PCDHA12: variants seen among roughly 807,000 people sequenced by gnomAD.
PCDHA12 encodes the protein protocadherin alpha 12, also known as protocadherin alpha-12.
A neutral mutation model predicts 60.0 loss-of-function variants in PCDHA12; 44 were observed. That is an observed-to-expected ratio of 0.73 (90% CI 0.58 to 0.94). The LOEUF (loss-of-function observed/expected upper bound fraction) is 0.94, where lower values mean the gene tolerates loss of function less well. Among genes scored for constraint, PCDHA12 ranks in the 40% least tolerant of loss-of-function variants. The probability of loss-of-function intolerance (pLI) is 0.00; values close to 1 mark genes in which losing one functional copy is unlikely to be tolerated. For synonymous variants in PCDHA12, 569 were observed against 553.0 expected, an observed-to-expected ratio of 1.03 and a Z score of -0.40; for missense variants, 1,276 against 1,239.7, an observed-to-expected ratio of 1.03 and a Z score of -0.44.
chr5:140,892,578 T>G (rs2063581965), intron 1 of PCDHA12, among the ~76,000 whole-genome samples: 1 of 152,178 alleles, frequency 6.6e-6, no homozygotes, highest in Non-Finnish European at 1.5e-5. Context: ...AAAGTATATC[T>G]CAGTATTCAT....
At chr5:140,934,879 T>C (rs1202301097) in intron 1 of PCDHA12, among the ~76,000 whole-genome samples, 1 of 152,206 alleles carries the variant, frequency 6.6e-6, no homozygotes, top group African/African-American at 2.4e-5. Flanking sequence ...TGTTTGTGTA[T>C]CTTGTTTTAA....
intron 3 of PCDHA12, among the ~76,000 whole-genome samples, chr5:140,985,361 G>T (rs1453706797): frequency 1.3e-5 from 2 of 152,132 alleles, no homozygotes; most frequent in Non-Finnish European, 2.9e-5. Flanking sequence ...GACCCTCTGA[G>T]GTTATCTGGG....
chr5:140,920,137 T>C (rs182001221), intron 1 of PCDHA12, among the ~76,000 whole-genome samples: 29 of 152,242 alleles, frequency 1.9e-4, no homozygotes, highest in Admixed American at 1.8e-3. Flanking sequence ...TTAATTCTCC[T>C]CTCCAAACCT....
In PCDHA12 at chr5:141,008,942, A is replaced by G. The variant is rs544111760; in HGVS notation, c.2516-685A>G. Among the ~76,000 whole-genome samples the G allele has an allele frequency of 1.5e-4, 23 of 152,326 alleles. No homozygotes were observed. In the South Asian group the frequency reaches 4.8e-3, roughly 32 times the overall value. On this transcript the variant is annotated intron_variant, in intron 3 of 3. Transcript: ENST00000398631. ...ATTCAGCTAATTTTTCTTGTTTTGG[A>G]CAAAATAGACATCCTAATACATTTA...
intron 1 of PCDHA12, among the ~76,000 whole-genome samples, chr5:140,975,953 T>A (rs1554237158): frequency 6.6e-6 from 1 of 152,084 alleles, no homozygotes; most frequent in Non-Finnish European, 1.5e-5. Context: ...CATATTAGAG[T>A]TCTTCACCAA....
intron 1 of PCDHA12, among the ~76,000 whole-genome samples, chr5:140,904,620 A>T (rs1419190047): frequency 6.6e-6 from 1 of 151,986 alleles, no homozygotes; most frequent in Non-Finnish European, 1.5e-5. Flanking sequence ...TTTTACTTTT[A>T]GTTCTTTAAG....
At chr5:140,894,405 C>T (rs1277416530) in intron 1 of PCDHA12, among the ~76,000 whole-genome samples, 4 of 151,926 alleles carry the variant, frequency 2.6e-5, no homozygotes, top group African/African-American at 9.7e-5. Flanking sequence ...CTTTGCTTTT[C>T]TTTTGTAGCT....
intron 1 of PCDHA12, chr5:140,967,271 A>T (rs1007708043): frequency 6.2e-7 from 1 of 1,613,338 alleles, no homozygotes; most frequent in African/African-American, 1.3e-5. Context: ...GCGCTTTCAC[A>T]TAGAGAGTGC....
intron 1 of PCDHA12, among the ~76,000 whole-genome samples, chr5:140,885,309 T>C (rs1456816250): frequency 6.6e-6 from 1 of 152,194 alleles, no homozygotes; most frequent in Non-Finnish European, 1.5e-5. Context: ...GTAGGCTTTT[T>C]GTTATTATTT....
intron 1 of PCDHA12, among the ~76,000 whole-genome samples, chr5:140,951,684 A>G (rs1392497741): frequency 3.3e-5 from 5 of 152,144 alleles, no homozygotes; most frequent in African/African-American, 1.2e-4. Flanking sequence ...GGGGATTACA[A>G]TGTGACATGA....
chr5:141,000,904 T>A lies in PCDHA12; in HGVS notation c.2516-8723T>A, dbSNP rs1398868730. Among the ~76,000 whole-genome samples, 6 of 151,990 alleles carry A rather than the reference T, an allele frequency of 3.9e-5. No individual in the cohort carries two copies. The East Asian group carries it at 1.2e-3, about 29-fold the overall frequency. On this transcript the variant is annotated intron_variant, in intron 3 of 3. Coordinates refer to ENST00000398631, the MANE Select transcript of PCDHA12 (RefSeq NM_018903.4). ...ACCTGGGCAACAGATATAGACGCTGTCTCTAAAAAAAAAAATCCTGTGTGA... is the reference window on the plus strand; with the variant it reads ...ACCTGGGCAACAGATATAGACGCTGACTCTAAAAAAAAAAATCCTGTGTGA...
At chr5:140,882,114 C>T (rs1464753090) in intron 1 of PCDHA12, 25 of 1,406,582 alleles carry the variant, frequency 1.8e-5, no homozygotes, top group Non-Finnish European at 2.2e-5. Flanking sequence ...AAGAAAGCCG[C>T]CGTTTCTTTC....
rs782748230 is a variant in PCDHA12, at chr5:140,877,281, T to TA, written c.1811dup (p.Asn604LysfsTer36). On this transcript the variant is annotated frameshift_variant, in exon 1 of 4. Transcript: ENST00000398631. LOFTEE classifies it high-confidence loss of function. ...GCGCGGTGGACGCTGACTCCGGCTA[T>TA]AACGCTTGGCTGTCCTACGAGTTGC... is the stretch of plus-strand genomic sequence containing the variant. The TA allele has an allele frequency of 8.7e-6, 14 of 1,613,708 alleles. No homozygotes were observed. The highest frequency in any genetic ancestry group is 1.2e-5 in the Non-Finnish European group (14 of 1,179,822).
At chr5:140,992,950 C>T (rs1435932636) in intron 3 of PCDHA12, among the ~76,000 whole-genome samples, 1 of 152,216 alleles carries the variant, frequency 6.6e-6, no homozygotes, top group East Asian at 1.9e-4. Context: ...GAGATTAAAT[C>T]ACCCCTTATA....
At chr5:140,983,168 C>G (rs2097030716) in intron 3 of PCDHA12, among the ~76,000 whole-genome samples, 1 of 152,146 alleles carries the variant, frequency 6.6e-6, no homozygotes. Context: ...CCAAACATGA[C>G]CGCCTCACAA....
intron 1 of PCDHA12, among the ~76,000 whole-genome samples, chr5:140,909,000 G>C (rs569548757): frequency 9.8e-5 from 15 of 152,296 alleles, no homozygotes; most frequent in Non-Finnish European, 1.8e-4. Flanking sequence ...AAATTTTACT[G>C]AGGTAGAAGG....
intron 1 of PCDHA12, among the ~76,000 whole-genome samples, chr5:140,886,387 T>C (rs1245808319): frequency 2.6e-5 from 4 of 152,234 alleles, no homozygotes; most frequent in African/African-American, 9.6e-5. Flanking sequence ...GCTTATCTAT[T>C]ATCTGCATCA....
intron 3 of PCDHA12, among the ~76,000 whole-genome samples, chr5:140,983,533 G>A (rs1195364351): frequency 6.6e-6 from 1 of 152,208 alleles, no homozygotes; most frequent in Non-Finnish European, 1.5e-5. Flanking sequence ...TACATTGTAT[G>A]TGTGGTCTCA....
intron 1 of PCDHA12, among the ~76,000 whole-genome samples, chr5:140,954,899 T>C (rs2095107956): frequency 6.6e-6 from 1 of 152,196 alleles, no homozygotes; most frequent in South Asian, 2.1e-4. Flanking sequence ...GTTTTTATAG[T>C]TTCATACTTT....
Sources: gnomAD v4.1 joint callset for allele counts (sites outside exome capture counted in the v4.1 genomes callset) on GRCh38, gnomAD v4.1.1 for gene constraint, MANE v1.5 for transcripts, NCBI Gene and HGNC (gene_info 2026-07-23, HGNC 2026-07-21) for gene names.